Variants in DPP6 observed in about 807,000 individuals in gnomAD.
The protein encoded by DPP6 is dipeptidyl peptidase like 6, also known as A-type potassium channel modulatory protein DPP6.
Under a neutral mutation model 122.6 loss-of-function variants are expected in DPP6, and 69 were observed. The observed-to-expected ratio is 0.56, with a 90% confidence interval of 0.46 to 0.69. The LOEUF is 0.69. Ranked by LOEUF, DPP6 falls within the 30% of genes least tolerant of loss-of-function variation. DPP6 has a pLI of 0.00. For missense variants in DPP6, 928 were observed against 1,116.9 expected, an observed-to-expected ratio of 0.83 and a Z score of 2.41; for synonymous variants, 418 against 433.1, an observed-to-expected ratio of 0.97 and a Z score of 0.43.
intron 6 of DPP6, among the ~76,000 whole-genome samples, chr7:154,645,221 A>G (rs1322457561): frequency 6.6e-6 from 1 of 151,006 alleles, no homozygotes; most frequent in Non-Finnish European, 1.5e-5. Flanking sequence ...GCCCACCACC[A>G]CGCCCGGCTA....
intron 1 of DPP6, among the ~76,000 whole-genome samples, chr7:154,340,984 C>T (rs1374207205): frequency 6.6e-6 from 1 of 152,092 alleles, no homozygotes; most frequent in African/African-American, 2.4e-5. Context: ...GTTTTTTCAG[C>T]ATATATAAAT....
At chr7:153,832,937 A>G in the DPP6 span, among the ~76,000 whole-genome samples, 2 of 152,164 alleles carry the variant, frequency 1.3e-5, no homozygotes, top group East Asian at 3.9e-4. Context: ...CTCCCCTTGC[A>G]CTCATGGAAG....
chr7:154,455,748 C>A (rs986359902), intron 2 of DPP6, among the ~76,000 whole-genome samples: 2 of 152,130 alleles, frequency 1.3e-5, no homozygotes, highest in Non-Finnish European at 2.9e-5. Context: ...TTATTATTCA[C>A]ACTCGTGTTA....
chr7:153,979,700 T>C (rs964270765), intron 1 of DPP6, among the ~76,000 whole-genome samples: 1 of 152,240 alleles, frequency 6.6e-6, no homozygotes, highest in African/African-American at 2.4e-5. Flanking sequence ...ATAGCTCTTA[T>C]TATTTTGAGA....
chr7:153,842,490 CT>C, the DPP6 span, among the ~76,000 whole-genome samples: 2 of 151,890 alleles, frequency 1.3e-5, no homozygotes, highest in East Asian at 3.9e-4. Flanking sequence ...TGCATTCAAT[CT>C]TTTCCTTTAT....
At chr7:154,190,832 T>C (rs1798582861) in intron 1 of DPP6, among the ~76,000 whole-genome samples, 1 of 152,192 alleles carries the variant, frequency 6.6e-6, no homozygotes, top group African/African-American at 2.4e-5. Flanking sequence ...GGATGGCCCT[T>C]CAAATAACTA....
chr7:154,346,676 C>G (rs555048203), intron 1 of DPP6, among the ~76,000 whole-genome samples: 6 of 152,290 alleles, frequency 3.9e-5, no homozygotes, highest in African/African-American at 1.4e-4. Flanking sequence ...ACAGTGGAGT[C>G]ACTTTGCCAT....
chr7:154,588,250 A>G (rs1042233219), intron 5 of DPP6: 30 of 1,237,608 alleles, frequency 2.4e-5, no homozygotes, highest in East Asian at 5.1e-5. Flanking sequence ...CACTGGTTCA[A>G]ATGGCCTGTT....
At chr7:153,913,456 A>G (rs1219896647) in intron 1 of DPP6, among the ~76,000 whole-genome samples, 1 of 152,198 alleles carries the variant, frequency 6.6e-6, no homozygotes, top group Non-Finnish European at 1.5e-5. Flanking sequence ...TGTTTCTGTA[A>G]GCTGCATTTA....
chr7:154,659,561 C>T (rs377480528), intron 6 of DPP6, among the ~76,000 whole-genome samples: 95 of 152,216 alleles, frequency 6.2e-4, no homozygotes, highest in African/African-American at 2.1e-3. Flanking sequence ...TCCAACCCTA[C>T]GAGGCAAACA....
intron 10 of DPP6, 196 bp from the exon 11 acceptor site, chr7:154,793,883 C>A: frequency 1.3e-6 from 1 of 768,092 alleles, no homozygotes. Flanking sequence ...GAGGTAATGA[C>A]TGGGCGGCCC....
intron 1 of DPP6, among the ~76,000 whole-genome samples, chr7:154,404,176 G>A (rs1478008730): frequency 6.6e-6 from 1 of 152,180 alleles, no homozygotes. Flanking sequence ...AGAAATCAAA[G>A]CCGCTGTCTA....
rs1448511155 is a variant in DPP6 at position 154,063,545 on chromosome 7, T to C, written c.243+10482T>C. Among the ~76,000 whole-genome samples the C allele has an allele frequency of 1.2e-4, 13 of 109,492 alleles. 2 individuals are homozygous for C. The highest frequency in any genetic ancestry group is 1.9e-4 in the African/African-American group (6 of 30,770). The allele number at this position is 109,492 out of a possible 152,430, so 71.8% of individuals were successfully genotyped here. ...GAGGGGGAGGCACCCCCCGCGAGGG[T>C]GGGGACTGAGAGCTATCCCCTCTTC... On this transcript the variant is annotated intron_variant, in intron 1 of 25. Transcript: ENST00000377770.
At chr7:154,329,322 G>A (rs115950586) in intron 1 of DPP6, among the ~76,000 whole-genome samples, 2,541 of 152,330 alleles carry the variant, frequency 0.017, 72 homozygotes, top group African/African-American at 0.057. Flanking sequence ...TGTTGCTGTC[G>A]CAGTCTTAAA....
At chr7:154,168,262 C>T (rs181078993) in intron 1 of DPP6, among the ~76,000 whole-genome samples, 10 of 152,302 alleles carry the variant, frequency 6.6e-5, no homozygotes, top group Non-Finnish European at 1.3e-4. Context: ...ATTATTTCTA[C>T]TCTAGAAAGA....
chr7:154,496,325 T>A (rs1483644896), intron 3 of DPP6, among the ~76,000 whole-genome samples: 1 of 152,120 alleles, frequency 6.6e-6, no homozygotes, highest in Non-Finnish European at 1.5e-5. Flanking sequence ...AAAAGCAGAG[T>A]GAAGATGTTA....
intron 1 of DPP6, among the ~76,000 whole-genome samples, chr7:154,142,102 C>T (rs1158557922): frequency 6.6e-6 from 1 of 151,978 alleles, no homozygotes; most frequent in Non-Finnish European, 1.5e-5. Flanking sequence ...ATATCGTACT[C>T]CCAGGAAAAG....
chr7:153,824,714 T>C, the DPP6 span, among the ~76,000 whole-genome samples: 3 of 151,066 alleles, frequency 2.0e-5, no homozygotes, highest in African/African-American at 4.9e-5. Flanking sequence ...AAAAAAAAGA[T>C]GTAAGTATTG....
At chr7:154,570,027 C>T (rs1831013502) in intron 5 of DPP6, among the ~76,000 whole-genome samples, 1 of 151,904 alleles carries the variant, frequency 6.6e-6, no homozygotes, top group African/African-American at 2.4e-5. Context: ...TGTGTTTGAG[C>T]ACAGAGTAGT....
Sources: gnomAD v4.1 joint callset for allele counts (sites outside exome capture counted in the v4.1 genomes callset) on GRCh38, gnomAD v4.1.1 for gene constraint, MANE v1.5 for transcripts, NCBI Gene and HGNC (gene_info 2026-07-23, HGNC 2026-07-21) for gene names.